The following SIL1 variants were observed in gnomAD, a reference collection of about 807,000 sequenced individuals.
SIL1 encodes nucleotide exchange factor SIL1.
In SIL1, 40 loss-of-function variants were observed where a neutral mutation model predicts 49.1. The ratio of observed to expected loss-of-function variants is 0.81; its 90% confidence interval spans 0.63 to 1.06. The LOEUF is 1.06. SIL1 is among the 50% of genes least tolerant of loss of function. The pLI, the probability that SIL1 is intolerant of heterozygous loss-of-function variation, is 0.00. For synonymous variants in SIL1, 253 were observed against 250.8 expected (o/e 1.01, Z -0.08); for missense variants, 500 against 572.6 (o/e 0.87, Z 1.29).
chr5:139,016,193 A>G (rs779007727), intron 7 of SIL1, among the ~76,000 whole-genome samples: 9 of 152,246 alleles, frequency 5.9e-5, no homozygotes, highest in Non-Finnish European at 1.0e-4. Flanking sequence ...TCACTAAGTT[A>G]ATGAGAAAGT....
chr5:139,110,805 G>A (rs914972319), intron 3 of SIL1, among the ~76,000 whole-genome samples: 1 of 152,262 alleles, frequency 6.6e-6, no homozygotes, highest in African/African-American at 2.4e-5. Context: ...GAAGGTTGGA[G>A]CAGGTTCAGA....
intron 1 of SIL1, among the ~76,000 whole-genome samples, chr5:139,175,358 C>A (rs544961569): frequency 6.6e-6 from 1 of 152,222 alleles, no homozygotes; most frequent in African/African-American, 2.4e-5. Flanking sequence ...GTACTATGAG[C>A]AGGTGTACAC....
At chr5:139,140,649 A>G (rs1289137275) in intron 1 of SIL1, among the ~76,000 whole-genome samples, 30 of 152,136 alleles carry the variant, frequency 2.0e-4, no homozygotes, top group Admixed American at 2.0e-3. Context: ...CGGCTTTCAC[A>G]ATCCCACCGA....
At chr5:139,142,354 A>C (rs1751096357) in intron 1 of SIL1, among the ~76,000 whole-genome samples, 1 of 152,242 alleles carries the variant, frequency 6.6e-6, no homozygotes, top group South Asian at 2.1e-4. Flanking sequence ...ACTCCAGACC[A>C]ATATCTCTTA....
chr5:139,165,465 C>T (rs776076614), intron 1 of SIL1, among the ~76,000 whole-genome samples: 1 of 152,094 alleles, frequency 6.6e-6, no homozygotes, highest in Admixed American at 6.5e-5. Context: ...TCTCATGCCT[C>T]AGCCTCCCGA....
chr5:138,970,101 C>G (rs1196470857), intron 7 of SIL1, among the ~76,000 whole-genome samples: 1 of 152,216 alleles, frequency 6.6e-6, no homozygotes, highest in Non-Finnish European at 1.5e-5. Context: ...TGGAAAGGCC[C>G]CTGCAAAGCA....
intron 7 of SIL1, among the ~76,000 whole-genome samples, chr5:139,001,893 G>T (rs1301827178): frequency 6.6e-6 from 1 of 150,576 alleles, no homozygotes; most frequent in East Asian, 2.0e-4. Context: ...GACAAAGTGA[G>T]ACTCCGTCTA....
intron 7 of SIL1, among the ~76,000 whole-genome samples, chr5:139,002,102 C>T (rs1767998653): frequency 6.6e-6 from 1 of 151,548 alleles, no homozygotes; most frequent in Non-Finnish European, 1.5e-5. Flanking sequence ...TCCCAGCTAC[C>T]TGGGGGACTG....
In SIL1 at chr5:139,180,058, T is replaced by TAAA. The variant is rs33982607; in HGVS notation, c.-11+18208_-11+18210dup. 1.3e-3 allele frequency among the ~76,000 whole-genome samples: 158 copies of TAAA among 122,140 alleles called. 2 individuals are homozygous for TAAA. Among genetic ancestry groups the TAAA allele is most frequent in the South Asian group, 2.5e-3 (9 of 3,564 alleles). The allele number at this position is 122,140 out of a possible 152,430, so 80.1% of individuals were successfully genotyped here. A position where few individuals can be genotyped will look rare whatever the true frequency, so the allele number is the denominator to read the frequency against. ...GCAACAGAGCAAGACCCTGTCTCTT[T>TAAA]AAAAAAAAAAAAAAAAAAAAGTTGG... On this transcript the variant is annotated intron_variant, in intron 1 of 9. Transcript: ENST00000394817.
intron 6 of SIL1, among the ~76,000 whole-genome samples, chr5:139,023,509 G>A (rs1258334159): frequency 2.0e-5 from 3 of 152,232 alleles, no homozygotes; most frequent in African/African-American, 7.2e-5. Context: ...TGTACTGCCC[G>A]AGGTAGATGG....
chr5:139,060,343 G>T (rs1769558022), intron 3 of SIL1, among the ~76,000 whole-genome samples: 1 of 151,722 alleles, frequency 6.6e-6, no homozygotes, highest in Non-Finnish European at 1.5e-5. Flanking sequence ...TCATTCCAAT[G>T]GTCCCGAAAC....
At chr5:139,130,376 G>A (rs1159900702) in intron 1 of SIL1, among the ~76,000 whole-genome samples, 3 of 152,120 alleles carry the variant, frequency 2.0e-5, no homozygotes, top group Non-Finnish European at 4.4e-5. Context: ...ACACGAAAAG[G>A]TTCTCAACAT....
chr5:139,133,042 C>T (rs73790614), intron 1 of SIL1, among the ~76,000 whole-genome samples: 2 of 140,766 alleles, frequency 1.4e-5, no homozygotes, highest in African/African-American at 5.4e-5. Context: ...TTCACCTGAT[C>T]AATGGCCCCT....
At chr5:139,062,342 G>C (rs1448110794) in intron 3 of SIL1, among the ~76,000 whole-genome samples, 3 of 152,120 alleles carry the variant, frequency 2.0e-5, no homozygotes, top group East Asian at 1.9e-4. Flanking sequence ...GAGAAAAATA[G>C]GAATATTCTC....
At chr5:138,965,334 C>A (rs1309537828) in intron 7 of SIL1, among the ~76,000 whole-genome samples, 1 of 152,142 alleles carries the variant, frequency 6.6e-6, no homozygotes, top group African/African-American at 2.4e-5. Context: ...GGGATATAAA[C>A]GCTTAAAATT....
chr5:139,003,309 G>T (rs926843033), intron 7 of SIL1, among the ~76,000 whole-genome samples: 2 of 152,138 alleles, frequency 1.3e-5, no homozygotes, highest in Admixed American at 1.3e-4. Flanking sequence ...AGTGTTAACA[G>T]TCTGCTCCTT....
At chr5:139,018,814 C>G (rs574995416) in intron 7 of SIL1, among the ~76,000 whole-genome samples, 1 of 152,244 alleles carries the variant, frequency 6.6e-6, no homozygotes, top group South Asian at 2.1e-4. Context: ...TTTCACAGGT[C>G]ATTGTATATT....
At chr5:139,044,156 T>C (rs1769103062) in intron 4 of SIL1, among the ~76,000 whole-genome samples, 1 of 152,210 alleles carries the variant, frequency 6.6e-6, no homozygotes, top group Non-Finnish European at 1.5e-5. Flanking sequence ...TGTTAGGCAG[T>C]GTGTTAATCC....
rs750982777 is a variant in SIL1 at position 139,042,675 on chromosome 5, C to T, written c.398G>A (p.Ser133Asn). Reference sequence around the variant, plus strand: ...CCCCTCCTTGAATTTTGCCAGTGCACTCTTGAGATCCTGAGATGTGTAGGT... The same window carrying T: ...CCCCTCCTTGAATTTTGCCAGTGCATTCTTGAGATCCTGAGATGTGTAGGT... ...TNTYTSQDLKSALAKFKEGAE... is the reference protein window; with the variant it reads ...TNTYTSQDLKNALAKFKEGAE... The change falls in exon 5 of 10, where the codon AGT becomes AAT. Residue 133 changes from serine to asparagine, a missense_variant. Ser to Asn is a conservative substitution (Grantham distance 46). Coordinates refer to ENST00000394817, the MANE Select transcript of SIL1 (RefSeq NM_022464.5). The T allele has an allele frequency of 6.2e-7, 1 of 1,614,122 alleles. No individual in the cohort carries two copies.
Sources: allele counts gnomAD v4.1 joint callset (sites outside exome capture counted in the v4.1 genomes callset), GRCh38; gene constraint gnomAD v4.1.1; transcripts MANE v1.5; gene names NCBI Gene and HGNC (gene_info 2026-07-23, HGNC 2026-07-21).